The following SIRT6 variants were observed in gnomAD, a reference collection of about 807,000 sequenced individuals.
SIRT6 encodes the protein NAD-dependent protein deacylase sirtuin-6.
In SIRT6, 21 loss-of-function variants were observed where a neutral mutation model predicts 33.6. The ratio of observed to expected loss-of-function variants is 0.62; its 90% confidence interval spans 0.44 to 0.90. The LOEUF (loss-of-function observed/expected upper bound fraction) is 0.90. Ranked by LOEUF, SIRT6 falls within the 40% of genes least tolerant of loss-of-function variation. SIRT6 has a pLI of 0.00. For synonymous variants in SIRT6, 221 were observed against 223.9 expected, an observed-to-expected ratio of 0.99 and a Z score of 0.12; for missense variants, 504 against 510.6, an observed-to-expected ratio of 0.99 and a Z score of 0.12.
At chr19:4,182,370 T>C (rs1967750867) in intron 1 of SIRT6, 104 bp downstream of exon 1, 3 of 1,210,248 alleles carry the variant, frequency 2.5e-6, no homozygotes, top group East Asian at 2.8e-5. Flanking sequence ...TCCCATTGTC[T>C]AGCCTCAGTG....
rs935501311 is a variant in SIRT6 at position 4,182,355 on chromosome 19, G to T, written c.66+119C>A. 13 of 1,032,030 alleles carry T rather than the reference G, an allele frequency of 1.3e-5. No homozygotes were observed. In the African/African-American group the frequency reaches 1.8e-4, roughly 15 times the overall value. 63.9% of individuals were successfully genotyped at this position (1,032,030 alleles called of 1,614,324 possible). A position where few individuals can be genotyped will look rare whatever the true frequency, so the allele number is the denominator to read the frequency against. Reference sequence around the variant, plus strand: ...CTTCCCGCCCCTTCCTCACTGGGAAGTCCCTCCCATTGTCTAGCCTCAGTG... The same window carrying T: ...CTTCCCGCCCCTTCCTCACTGGGAATTCCCTCCCATTGTCTAGCCTCAGTG... On this transcript the variant is annotated intron_variant, in intron 1 of 7. Coordinates refer to ENST00000337491, the MANE Select transcript of SIRT6 (RefSeq NM_016539.4).
At chr19:4,176,969 A>C in intron 4 of SIRT6, 110 bp downstream of exon 4, 10 of 562,546 alleles carry the variant, frequency 1.8e-5, no homozygotes, top group South Asian at 5.0e-5. Context: ...AGATCCCCCC[A>C]GGAGGGCCAC....
intron 6 of SIRT6, chr19:4,175,386 A>T: frequency 1.5e-6 from 1 of 650,650 alleles, no homozygotes; most frequent in East Asian, 2.8e-5. Context: ...GTGTGGTAAG[A>T]GCTTGGACAC....
chr19:4,180,839 C>T lies in SIRT6; in HGVS notation c.137G>A (p.Ser46Asn), dbSNP rs352493. Residue 46 changes from serine (S) to asparagine (N), a missense_variant, in exon 2 of 8, where the codon AGT (serine) becomes AAT (asparagine). Coordinates refer to ENST00000337491, the MANE Select transcript of SIRT6 (RefSeq NM_016539.4). The part of the protein sequence containing the change: ...ELARLVWQSS[S>N]VVFHTGAGIS... Reference sequence around the variant, plus strand: ...GCCGGCACCCGTGTGGAACACCACACTGGAAGACTGCCAGACCAGCCTCGC... The same window carrying T: ...GCCGGCACCCGTGTGGAACACCACATTGGAAGACTGCCAGACCAGCCTCGC... 1,494,831 of 1,613,490 alleles carry T rather than the reference C, an allele frequency of 0.93. 695,447 individuals are homozygous for T. The highest frequency in any genetic ancestry group is 0.95 in the Non-Finnish European group (1,120,414 of 1,179,856).
intron 1 of SIRT6, 38 bp from the exon 2 acceptor site, chr19:4,180,947 T>C: frequency 6.4e-7 from 1 of 1,564,880 alleles, no homozygotes; most frequent in Non-Finnish European, 8.7e-7. Flanking sequence ...GTCAAAACAG[T>C]TCCCCCAAGT....
intron 3 of SIRT6, among the ~76,000 whole-genome samples, chr19:4,178,386 G>GCTCCT (rs1173824985): frequency 6.6e-6 from 1 of 152,120 alleles, no homozygotes; most frequent in Non-Finnish European, 1.5e-5. Context: ...TGGCTGCCGA[G>GCTCCT]CTCCTCGTCT....
rs116239335 is a variant in SIRT6, at chr19:4,174,345, C to T, written c.*272G>A. On this transcript the variant is annotated 3_prime_UTR_variant, in exon 8 of 8. Coordinates refer to ENST00000337491, the MANE Select transcript of SIRT6 (RefSeq NM_016539.4). The surrounding 1 kb of genome is among the most constrained non-coding windows in gnomAD (Gnocchi z 4.2). ...TTTAAGCTGGAGACCAGGGAGGGCC[C>T]AGCCTCACCTCTGGACAACACAGCA... The T allele has an allele frequency of 3.6e-4, 123 of 340,128 alleles. 1 individual carries two copies. Among genetic ancestry groups the T allele is most frequent in the African/African-American group, 2.3e-3 (110 of 47,220 alleles). The allele number at this position is 340,128 out of a possible 1,614,324, so 21.1% of individuals were successfully genotyped here.
Position 4,174,402 on chromosome 19 carries a change from C to G in SIRT6, c.*215G>C, listed in dbSNP as rs914864679. On this transcript the variant is annotated 3_prime_UTR_variant, in exon 8 of 8. Transcript: ENST00000337491. This position sits in a 1 kb window ranked among gnomAD's most constrained non-coding sequence, Gnocchi z 4.2. ...AGGCTGGGGTGTGGCAGGGGCTCAC[C>G]TGTCACCTCTGGGGTGTGGCTTCTT... The G allele has an allele frequency of 7.0e-6, 3 of 429,148 alleles. No homozygotes were observed. Among genetic ancestry groups the G allele is most frequent in the Non-Finnish European group, 1.2e-5 (3 of 245,856 alleles). The allele number at this position is 429,148 out of a possible 1,614,324, so 26.6% of individuals were successfully genotyped here.
intron 3 of SIRT6, among the ~76,000 whole-genome samples, chr19:4,178,164 T>C (rs1243268759): frequency 6.6e-6 from 1 of 151,354 alleles, no homozygotes; most frequent in Non-Finnish European, 1.5e-5. Flanking sequence ...GTAGCTGGGA[T>C]TACAGGCATG....
intron 1 of SIRT6, 83 bp downstream of exon 1, chr19:4,182,391 T>G: frequency 5.0e-6 from 7 of 1,396,478 alleles, no homozygotes; most frequent in East Asian, 2.6e-5. Flanking sequence ...CCCCCTGATA[T>G]TCCCACAATG....
chr19:4,175,900 G>A lies in SIRT6; in HGVS notation c.475C>T (p.Leu159=). Residue 159 remains leucine, a synonymous_variant, in exon 5 of 8, where the codon CTG becomes TTG. Coordinates refer to ENST00000337491, the MANE Select transcript of SIRT6 (RefSeq NM_016539.4). ...GTGCAGAGCCGGCCCGTGGCCTTCA[G>A]GCCCATGGTGCCCACGACTGTGTCT... ...VRDTVVGTMG[L]KATGRLCTVA... The A allele has an allele frequency of 6.4e-7, 1 of 1,570,382 alleles. No homozygotes were observed. The highest frequency in any genetic ancestry group is 1.2e-5 in the South Asian group (1 of 85,470).
chr19:4,177,917 G>C (rs1478951756), intron 3 of SIRT6, among the ~76,000 whole-genome samples: 2 of 152,020 alleles, frequency 1.3e-5, no homozygotes, highest in Non-Finnish European at 2.9e-5. Context: ...GTAGAGACGG[G>C]GTTTTACCAT....
chr19:4,174,236 C>T lies in SIRT6; in HGVS notation c.*381G>A, dbSNP rs917742401. The T allele has an allele frequency of 2.1e-5, 4 of 187,016 alleles. No homozygotes were observed. The highest frequency in any genetic ancestry group is 9.4e-5 in the African/African-American group (4 of 42,766). 11.6% of individuals were successfully genotyped at this position (187,016 alleles called of 1,614,324 possible). On this transcript the variant is annotated 3_prime_UTR_variant, in exon 8 of 8. Transcript: ENST00000337491. The surrounding 1 kb of genome is among the most constrained non-coding windows in gnomAD (Gnocchi z 4.2). ...CCCCACTTCAAGGTGGGTCTCCCCT[C>T]CTGCAGGGCCCATGGAGGAGGGGTA...
intron 2 of SIRT6, 122 bp from the exon 3 acceptor site, chr19:4,179,408 C>A: frequency 9.4e-7 from 1 of 1,059,542 alleles, no homozygotes; most frequent in Non-Finnish European, 1.3e-6. Context: ...CAGAGAGAGA[C>A]AGGGAGACAG....
At chr19:4,179,039 C>G in intron 3 of SIRT6, 65 bp downstream of exon 3, 1 of 1,572,210 alleles carries the variant, frequency 6.4e-7, no homozygotes, top group South Asian at 1.2e-5. Context: ...GACTCTCCCC[C>G]TAAAAATGCA....
intron 4 of SIRT6, 90 bp downstream of exon 4, chr19:4,176,989 C>T (rs1226106348): frequency 3.5e-6 from 4 of 1,142,594 alleles, no homozygotes; most frequent in Non-Finnish European, 5.1e-6. Context: ...CACCCCAGTC[C>T]CCCCATACCC....
In SIRT6 at chr19:4,175,668, G is replaced by C. The variant is rs200174862; in HGVS notation, c.614+12C>G. The C allele has an allele frequency of 8.6e-6, 13 of 1,508,404 alleles. No homozygotes were observed. Among genetic ancestry groups the C allele is most frequent in the Middle Eastern group, 2.1e-4 (1 of 4,760 alleles). 93.4% of individuals were successfully genotyped at this position (1,508,404 alleles called of 1,614,324 possible). The stretch of plus-strand genomic sequence containing the variant: ...GCCCCACCATGGGCTCCCTGGGGGT[G>C]GGGGGTCAGACCTGCTGGCCTCATC... On this transcript the variant is annotated intron_variant, in intron 6 of 7. Coordinates refer to ENST00000337491, the MANE Select transcript of SIRT6 (RefSeq NM_016539.4).
intron 4 of SIRT6, 96 bp from the exon 5 acceptor site, chr19:4,176,033 G>T: frequency 2.8e-6 from 3 of 1,076,820 alleles, no homozygotes; most frequent in Non-Finnish European, 4.1e-6. Context: ...GGGAGGTGGG[G>T]GGTGGACAGG....
Position 4,175,071 on chromosome 19 carries a change from C to G in SIRT6, c.695G>C (p.Arg232Pro). Residue 232 changes from arginine to proline, a missense_variant, in exon 7 of 8, where the codon CGG becomes CCG. Coordinates refer to ENST00000337491, the MANE Select transcript of SIRT6 (RefSeq NM_016539.4). ...GTTGACGATGACCAGGCGGCCTCCC[C>G]GGCGCTTGGTAGCCAGCGGCAGGTT... Reference protein sequence around the residue: ...SGNLPLATKRRGGRLVIVNLQ... With the variant: ...SGNLPLATKRPGGRLVIVNLQ... 1 of 1,591,026 alleles carries G rather than the reference C, an allele frequency of 6.3e-7. No homozygotes were observed. The highest frequency in any genetic ancestry group is 1.8e-5 in the Admixed American group (1 of 56,348).
Sources: allele counts gnomAD v4.1 joint callset (sites outside exome capture counted in the v4.1 genomes callset), GRCh38; gene constraint gnomAD v4.1.1; non-coding constraint Gnocchi (gnomAD v3.1); transcripts MANE v1.5; gene names NCBI Gene and HGNC (gene_info 2026-07-23, HGNC 2026-07-21).